Variants in UNC5D observed in about 807,000 individuals in gnomAD.
UNC5D encodes netrin receptor UNC5D.
In UNC5D, 39 loss-of-function variants were observed where a neutral mutation model predicts 105.4. The observed-to-expected ratio is 0.37, with a 90% CI of 0.29 to 0.48. The LOEUF (loss-of-function observed/expected upper bound fraction) is 0.48, where lower values mean the gene tolerates loss of function less well. Ranked by LOEUF, UNC5D falls within the 20% of genes least tolerant of loss-of-function variation. The pLI is 0.98. For missense variants in UNC5D, 991 were observed against 1,202.4 expected (o/e 0.82, Z 2.60); for synonymous variants, 452 against 450.4 (o/e 1.00, Z -0.04).
intron 7 of UNC5D, among the ~76,000 whole-genome samples, chr8:35,693,471 G>GTAT (rs1406650738): frequency 6.6e-6 from 1 of 152,046 alleles, no homozygotes; most frequent in Non-Finnish European, 1.5e-5. Flanking sequence ...TGATGGATGC[G>GTAT]TATTTCATAA....
intron 4 of UNC5D, among the ~76,000 whole-genome samples, chr8:35,656,167 CT>C (rs965192078): frequency 6.6e-6 from 1 of 152,174 alleles, no homozygotes; most frequent in African/African-American, 2.4e-5. Flanking sequence ...TGCCAGGCAT[CT>C]CTTCCACAAA....
At chr8:35,519,925 C>T (rs1813348482) in intron 1 of UNC5D, among the ~76,000 whole-genome samples, 1 of 152,034 alleles carries the variant, frequency 6.6e-6, no homozygotes, top group African/African-American at 2.4e-5. Context: ...TAAGTGTTTG[C>T]AAGGATGTGG....
intron 7 of UNC5D, among the ~76,000 whole-genome samples, chr8:35,694,996 A>G (rs1281996093): frequency 6.6e-6 from 1 of 152,198 alleles, no homozygotes; most frequent in African/African-American, 2.4e-5. Flanking sequence ...GTTTCCTAAT[A>G]TATCTGGTTA....
At chr8:35,322,636 G>T (rs1809836066) in intron 1 of UNC5D, among the ~76,000 whole-genome samples, 1 of 152,170 alleles carries the variant, frequency 6.6e-6, no homozygotes, top group South Asian at 2.1e-4. Context: ...GTGAATAGAA[G>T]ATATGTGTAC....
chr8:35,649,971 A>T lies in UNC5D; in HGVS notation c.571-33576A>T, dbSNP rs539581533. 5.3e-5 allele frequency among the ~76,000 whole-genome samples: 8 copies of T among 152,290 alleles called. No homozygotes were observed. In the South Asian group the frequency reaches 1.7e-3, roughly 32 times the overall value. On this transcript the variant is annotated intron_variant, in intron 4 of 16. Transcript: ENST00000404895. Reference sequence around the variant, plus strand: ...ATGGTGAAATATGAATGAAGCCTGCAGTTTATTTAATAATCATGGGTCAGA... The same window carrying T: ...ATGGTGAAATATGAATGAAGCCTGCTGTTTATTTAATAATCATGGGTCAGA...
chr8:35,273,164 G>A (rs1805537620), intron 1 of UNC5D, among the ~76,000 whole-genome samples: 1 of 152,120 alleles, frequency 6.6e-6, no homozygotes, highest in African/African-American at 2.4e-5. Flanking sequence ...TCATTCATTT[G>A]GCTAAATATG....
In UNC5D at chr8:35,794,725, C is replaced by T. The variant is rs1159316634; in HGVS notation, c.*4162C>T. On this transcript the variant is annotated 3_prime_UTR_variant, in exon 17 of 17. Transcript: ENST00000404895. ...TCTTTCAAAAGCTGCCGTTACAAAG[C>T]TGTTTGGCTGTATTGACAGCATGTG... 1.3e-5 allele frequency: 2 copies of T among 152,582 alleles called. No homozygotes were observed. Among genetic ancestry groups the T allele is most frequent in the East Asian group, 3.8e-4 (2 of 5,198 alleles). 9.5% of individuals were successfully genotyped at this position (152,582 alleles called of 1,614,324 possible). A position where few individuals can be genotyped will look rare whatever the true frequency, so the allele number is the denominator to read the frequency against.
chr8:35,326,453 CA>C (rs921697922), intron 1 of UNC5D, among the ~76,000 whole-genome samples: 5 of 152,156 alleles, frequency 3.3e-5, no homozygotes, highest in African/African-American at 1.2e-4. Flanking sequence ...AGTAGGTTTT[CA>C]AGTGAAAAAG....
intron 1 of UNC5D, among the ~76,000 whole-genome samples, chr8:35,366,081 A>AGAG: frequency 6.6e-6 from 1 of 152,140 alleles, no homozygotes; most frequent in South Asian, 2.1e-4. Context: ...CAGAGTGGGA[A>AGAG]AGAGAGGAAA....
intron 12 of UNC5D, among the ~76,000 whole-genome samples, chr8:35,749,149 TA>T (rs1341829312): frequency 6.6e-6 from 1 of 152,174 alleles, no homozygotes; most frequent in African/African-American, 2.4e-5. Context: ...GGAACACATT[TA>T]GGGCTTAATA....
At chr8:35,452,179 C>G (rs1424428735) in intron 1 of UNC5D, among the ~76,000 whole-genome samples, 3 of 152,114 alleles carry the variant, frequency 2.0e-5, no homozygotes, top group Non-Finnish European at 4.4e-5. Flanking sequence ...ACAAGTGAAC[C>G]ATACGATTTA....
chr8:35,271,372 T>C (rs1458197321), intron 1 of UNC5D, among the ~76,000 whole-genome samples: 2 of 131,580 alleles, frequency 1.5e-5, no homozygotes, highest in Non-Finnish European at 3.3e-5. Flanking sequence ...CGTGCACGTG[T>C]GTATGTATAT....
At chr8:35,274,533 C>G (rs1805641687) in intron 1 of UNC5D, among the ~76,000 whole-genome samples, 1 of 152,170 alleles carries the variant, frequency 6.6e-6, no homozygotes, top group African/African-American at 2.4e-5. Flanking sequence ...AGACGACGGC[C>G]TGTGGATTGA....
chr8:35,408,931 G>T (rs907857609), intron 1 of UNC5D, among the ~76,000 whole-genome samples: 7 of 151,864 alleles, frequency 4.6e-5, no homozygotes, highest in Non-Finnish European at 1.0e-4. Context: ...AATCTCCCTC[G>T]TGATTTGGAA....
intron 1 of UNC5D, among the ~76,000 whole-genome samples, chr8:35,401,447 G>A (rs1328183987): frequency 3.9e-5 from 6 of 152,168 alleles, no homozygotes; most frequent in Non-Finnish European, 8.8e-5. Context: ...TCCGGCCACT[G>A]CACTCCAGCC....
chr8:35,680,552 T>G (rs1825590599), intron 4 of UNC5D, among the ~76,000 whole-genome samples: 1 of 152,234 alleles, frequency 6.6e-6, no homozygotes, highest in Non-Finnish European at 1.5e-5. Flanking sequence ...TAACCTTATA[T>G]CTATCAAATT....
At position 35,290,221 on chromosome 8, in the gene UNC5D, A is replaced by C. The variant is rs188826337; in HGVS notation, c.103+54334A>C. The stretch of plus-strand genomic sequence containing the variant: ...GGATGTTCATTGCAGCATTATTCAC[A>C]ATAGCTGAGATATGGAAGCAACCTA... On this transcript the variant is annotated intron_variant, in intron 1 of 16. Coordinates refer to ENST00000404895, the MANE Select transcript of UNC5D (RefSeq NM_080872.4). 3.4e-3 allele frequency among the ~76,000 whole-genome samples: 522 copies of C among 152,328 alleles called. 4 individuals are homozygous for C. Among genetic ancestry groups the C allele is most frequent in the African/African-American group, 0.012 (499 of 41,568 alleles).
chr8:35,534,044 T>C (rs1814641891), intron 1 of UNC5D, among the ~76,000 whole-genome samples: 1 of 152,188 alleles, frequency 6.6e-6, no homozygotes, highest in African/African-American at 2.4e-5. Flanking sequence ...ACCGGAGCTG[T>C]TCCTATTCGG....
chr8:35,336,059 G>A (rs538189966), intron 1 of UNC5D, among the ~76,000 whole-genome samples: 13 of 152,100 alleles, frequency 8.5e-5, no homozygotes, highest in Admixed American at 5.2e-4. Flanking sequence ...CACCGCGCCC[G>A]GCCGAGAGAT....
Sources: gnomAD v4.1 joint callset for allele counts (sites outside exome capture counted in the v4.1 genomes callset) on GRCh38, gnomAD v4.1.1 for gene constraint, MANE v1.5 for transcripts, NCBI Gene and HGNC (gene_info 2026-07-23, HGNC 2026-07-21) for gene names.